The following ASMTL variants were observed in gnomAD, a reference collection of about 807,000 sequenced individuals.
ASMTL encodes acetylserotonin O-methyltransferase like.
A neutral mutation model predicts 60.3 loss-of-function variants in ASMTL; 57 were observed. The observed-to-expected ratio is 0.95, with a 90% CI of 0.76 to 1.18. The LOEUF (loss-of-function observed/expected upper bound fraction) is 1.18. Ranked by LOEUF, ASMTL falls within the 50% of genes most tolerant of loss-of-function variation. ASMTL has a pLI of 0.00. For synonymous variants in ASMTL, 419 were observed against 373.0 expected (o/e 1.12, Z -1.42); for missense variants, 981 against 852.6 (o/e 1.15, Z -1.88).
At chrX:1,416,016 C>A (rs2090234775) in intron 11 of ASMTL, among the ~76,000 whole-genome samples, 1 of 147,030 alleles carries the variant, frequency 6.8e-6, no homozygotes, top group African/African-American at 2.5e-5. Flanking sequence ...CAGGCACACA[C>A]ACACACACGG....
At chrX:1,434,646 A>G (rs2090912242) in intron 5 of ASMTL, among the ~76,000 whole-genome samples, 1 of 151,560 alleles carries the variant, frequency 6.6e-6, no homozygotes, top group Non-Finnish European at 1.5e-5. Context: ...TCTACTAAAA[A>G]TACAAAAATT....
At chrX:1,432,456 G>T in intron 5 of ASMTL, 79 bp from the exon 6 acceptor site, 2 of 1,034,754 alleles carry the variant, frequency 1.9e-6, no homozygotes, top group Non-Finnish European at 1.5e-6. Flanking sequence ...TGGCTGTGCT[G>T]TGGAGGTGTG....
At chrX:1,425,438 C>T in intron 8 of ASMTL, 87 bp downstream of exon 8, 1 of 1,481,474 alleles carries the variant, frequency 6.8e-7, no homozygotes, top group South Asian at 1.3e-5. Context: ...GGCCTCCTTC[C>T]TCGCTCTGCC....
In ASMTL at chrX:1,428,744, C is replaced by T. The variant is rs191077587; in HGVS notation, c.510-623G>A. Among the ~76,000 whole-genome samples the T allele has an allele frequency of 1.8e-3, 271 of 148,096 alleles. 2 individuals carry two copies. Among genetic ancestry groups the T allele is most frequent in the African/African-American group, 6.6e-3 (261 of 39,822 alleles). On this transcript the variant is annotated intron_variant, in intron 6 of 12. Coordinates refer to ENST00000381317, the MANE Select transcript of ASMTL (RefSeq NM_004192.4). ...ATTAAATCAAGCCAATTATCCCATT[C>T]AGCATCTCATCTACGAATTGTGTGT...
chrX:1,415,114 T>G (rs1430763956), intron 11 of ASMTL, among the ~76,000 whole-genome samples: 1 of 148,702 alleles, frequency 6.7e-6, no homozygotes, highest in African/African-American at 2.5e-5. Flanking sequence ...CTAATTTCTG[T>G]AATTTTAGTA....
upstream of ASMTL, chrX:1,453,672 G>A (rs1243877385): frequency 6.6e-6 from 1 of 151,214 alleles, no homozygotes; most frequent in Non-Finnish European, 1.5e-5. Flanking sequence ...GCCGCGTCGG[G>A]GAAGGTAGAG....
chrX:1,428,669 A>ATAAATAAATAAATAAAT (rs1569533431), intron 6 of ASMTL, among the ~76,000 whole-genome samples: 1 of 150,394 alleles, frequency 6.6e-6, no homozygotes, highest in South Asian at 2.1e-4. Context: ...AAATAAATAA[A>ATAAATAAATAAATAAAT]ATTTCATGTG....
chrX:1,427,871 C>T lies in ASMTL; in HGVS notation c.760G>A (p.Gly254Ser), dbSNP rs752867530. The change falls in exon 7 of 13, where the codon GGC (glycine) becomes AGC (serine). Residue 254 changes from glycine to serine, a missense_variant. Gly to Ser is a moderately conservative substitution (Grantham distance 56). Transcript: ENST00000381317. Reference protein sequence around the residue: ...GGSEPTQRDAGSRDEKAEAGE... With the variant: ...GGSEPTQRDASSRDEKAEAGE... The stretch of plus-strand genomic sequence containing the variant: ...GCCTCGGCCTTCTCATCGCGGCTGC[C>T]CGCGTCCCTCTGAGTGGGCTCCGAG... 6.8e-6 allele frequency: 11 copies of T among 1,613,264 alleles called. No individual in the cohort carries two copies. Among genetic ancestry groups the T allele is most frequent in the Non-Finnish European group, 8.5e-6 (10 of 1,179,838 alleles).
At chrX:1,439,212 G>A (rs1288614097) in intron 2 of ASMTL, 68 bp from the exon 3 acceptor site, 28 of 1,548,078 alleles carry the variant, frequency 1.8e-5, no homozygotes, top group African/African-American at 6.8e-5. Context: ...TTTTCCCGTC[G>A]GTACGGGCGT....
intron 6 of ASMTL, 46 bp from the exon 7 acceptor site, chrX:1,428,167 T>G: frequency 6.4e-7 from 1 of 1,558,872 alleles, no homozygotes; most frequent in Admixed American, 1.8e-5. Flanking sequence ...GGAGAAAAGT[T>G]CCTGGGTCTG....
intron 8 of ASMTL, among the ~76,000 whole-genome samples, chrX:1,422,437 C>T (rs80096194): frequency 0.67 from 101,492 of 151,714 alleles, 34,953 homozygotes; most frequent in South Asian, 0.87. Flanking sequence ...CGTAAGTCCT[C>T]AAGATAAATC....
rs188682965 is a variant in ASMTL, at chrX:1,442,342, A to G, written c.94-25T>C. The G allele has an allele frequency of 3.4e-4, 554 of 1,613,640 alleles. No homozygotes were observed. The African/African-American group carries it at 6.2e-3, about 18-fold the overall frequency. On this transcript the variant is annotated intron_variant, in intron 1 of 12. Transcript: ENST00000381317. ...CCTGCAACAGTAGAAAAGGGGTCAGAAGGGTCAATGAAAGACCCTATGAAA... is the reference window on the plus strand; with the variant it reads ...CCTGCAACAGTAGAAAAGGGGTCAGGAGGGTCAATGAAAGACCCTATGAAA...
At chrX:1,429,751 C>T (rs1489083554) in intron 6 of ASMTL, among the ~76,000 whole-genome samples, 5 of 151,746 alleles carry the variant, frequency 3.3e-5, no homozygotes, top group Non-Finnish European at 5.9e-5. Flanking sequence ...GAGCCAAGAT[C>T]GCGCCACTGC....
At chrX:1,416,657 CAG>C (rs1240473459) in intron 11 of ASMTL, among the ~76,000 whole-genome samples, 62 of 151,928 alleles carry the variant, frequency 4.1e-4, no homozygotes, top group Admixed American at 1.8e-3. Context: ...GCACACACCA[CAG>C]AGAGTTGCAC....
chrX:1,429,035 G>T (rs1241660033), intron 6 of ASMTL, among the ~76,000 whole-genome samples: 10 of 151,234 alleles, frequency 6.6e-5, no homozygotes, highest in African/African-American at 1.2e-4. Context: ...TAGCTGGGAT[G>T]ACAGGCACCT....
At chrX:1,404,840 ATAGG>A (rs1317337598) in intron 12 of ASMTL, among the ~76,000 whole-genome samples, 2 of 144,254 alleles carry the variant, frequency 1.4e-5, no homozygotes, top group East Asian at 2.1e-4. Context: ...TAGCTGATGG[ATAGG>A]TAGGAAGATG....
chrX:1,429,657 C>T lies in ASMTL; in HGVS notation c.510-1536G>A, dbSNP rs764496519. Among the ~76,000 whole-genome samples, 558 of 151,916 alleles carry T rather than the reference C, an allele frequency of 3.7e-3. 4 individuals are homozygous for T. The highest frequency in any genetic ancestry group is 0.012 in the African/African-American group (501 of 41,454). The stretch of plus-strand genomic sequence containing the variant: ...TACTAAAAATAAAAAATTCGCCAGG[C>T]GTGGCGGTGGGTGCCTGTAGTCCCA... On this transcript the variant is annotated intron_variant, in intron 6 of 12. Coordinates refer to ENST00000381317, the MANE Select transcript of ASMTL (RefSeq NM_004192.4).
chrX:1,438,481 G>T (rs1334024637), intron 3 of ASMTL, among the ~76,000 whole-genome samples: 1 of 152,142 alleles, frequency 6.6e-6, no homozygotes, highest in South Asian at 2.1e-4. Flanking sequence ...TACAGACACC[G>T]TGATTTGTGG....
At chrX:1,439,533 C>T (rs1265108585) in intron 2 of ASMTL, among the ~76,000 whole-genome samples, 4 of 152,094 alleles carry the variant, frequency 2.6e-5, no homozygotes, top group Non-Finnish European at 4.4e-5. Context: ...GTTTTTGATC[C>T]GTTCAATGTA....
Sources: allele counts gnomAD v4.1 joint callset (sites outside exome capture counted in the v4.1 genomes callset), GRCh38; gene constraint gnomAD v4.1.1; transcripts MANE v1.5; gene names NCBI Gene and HGNC (gene_info 2026-07-23, HGNC 2026-07-21).